FBXO10: variants seen among roughly 807,000 people sequenced by gnomAD.
The protein encoded by FBXO10 is F-box only protein 10.
A neutral mutation model predicts 80.7 loss-of-function variants in FBXO10; 39 were observed. The observed-to-expected ratio is 0.48, with a 90% CI of 0.37 to 0.63. The LOEUF is 0.63. Among genes scored for constraint, FBXO10 ranks in the 30% least tolerant of loss-of-function variants. The probability of loss-of-function intolerance (pLI) is 0.00; values close to 1 mark genes in which losing one functional copy is unlikely to be tolerated. For missense variants in FBXO10, 1,025 were observed against 1,269.0 expected (o/e 0.81, Z 2.92); for synonymous variants, 449 against 489.6 (o/e 0.92, Z 1.09).
chr9:37,559,634 G>A (rs1050872091), intron 1 of FBXO10, among the ~76,000 whole-genome samples: 1 of 152,206 alleles, frequency 6.6e-6, no homozygotes, highest in African/African-American at 2.4e-5. Context: ...CCCTCCTGAG[G>A]TCAAATGGGG....
At chr9:37,544,298 TG>T (rs1452996289) in intron 1 of FBXO10, among the ~76,000 whole-genome samples, 2 of 151,810 alleles carry the variant, frequency 1.3e-5, no homozygotes, top group Non-Finnish European at 2.9e-5. Context: ...CCAGGTGTGG[TG>T]GTGGGCACCT....
chr9:37,563,748 G>A (rs1308744435), intron 1 of FBXO10, among the ~76,000 whole-genome samples: 3 of 152,166 alleles, frequency 2.0e-5, no homozygotes, highest in Non-Finnish European at 4.4e-5. Flanking sequence ...ACTTCTAAAC[G>A]ACAAAGCATT....
chr9:37,515,965 G>T lies in FBXO10; in HGVS notation c.2635C>A (p.Gln879Lys), dbSNP rs1420592165. The T allele has an allele frequency of 1.9e-6, 3 of 1,613,938 alleles. No homozygotes were observed. Among genetic ancestry groups the T allele is most frequent in the Admixed American group, 3.3e-5 (2 of 60,006 alleles). ...QGKTSKTIFQQISNNRECIMQ... is the reference protein window; with the variant it reads ...QGKTSKTIFQKISNNRECIMQ... ...ATGCATTCTCGGTTGTTTGAGATCT[G>T]CTGAAAGATGGTCTTACTGGTTTTG... Residue 879 changes from glutamine (Q) to lysine (K), a missense_variant, in exon 10 of 11, where the codon CAG becomes AAG. By Grantham distance (53) the Gln-to-Lys change is moderately conservative (BLOSUM62 1). Coordinates refer to ENST00000432825, the MANE Select transcript of FBXO10 (RefSeq NM_012166.3).
At chr9:37,556,835 G>A (rs1012818660) in intron 1 of FBXO10, among the ~76,000 whole-genome samples, 9 of 152,116 alleles carry the variant, frequency 5.9e-5, no homozygotes, top group Non-Finnish European at 8.8e-5. Context: ...GTGAGCCACC[G>A]CATCCAGCCT....
intron 8 of FBXO10, among the ~76,000 whole-genome samples, chr9:37,519,113 G>A (rs145136579): frequency 0.039 from 5,866 of 152,138 alleles, 186 homozygotes; most frequent in Admixed American, 0.065. Flanking sequence ...GTTTCACCGT[G>A]TTAGCCAGGA....
rs112684814 is a variant in FBXO10, at chr9:37,556,488, T to G, written c.-6-14714A>C. Reference sequence around the variant, plus strand: ...TTTCTCCATTGAACTGCTTTTGTACTTTTGTCAAAAAATGATAAATCAGTT... The same window carrying G: ...TTTCTCCATTGAACTGCTTTTGTACGTTTGTCAAAAAATGATAAATCAGTT... On this transcript the variant is annotated intron_variant, in intron 1 of 10. Transcript: ENST00000432825. 4.3e-3 allele frequency among the ~76,000 whole-genome samples: 651 copies of G among 151,962 alleles called. 8 individuals are homozygous for G. Among genetic ancestry groups the G allele is most frequent in the African/African-American group, 0.014 (562 of 41,480 alleles).
intron 2 of FBXO10, among the ~76,000 whole-genome samples, chr9:37,538,562 G>T (rs908229102): frequency 3.3e-5 from 5 of 152,100 alleles, no homozygotes; most frequent in Admixed American, 1.3e-4. Flanking sequence ...ACAAAAATTA[G>T]CTGGGCGTGG....
Position 37,515,976 on chromosome 9 carries a change from G to A in FBXO10, c.2624C>T (p.Thr875Ile), listed in dbSNP as rs1466505528. 1.2e-6 allele frequency: 2 copies of A among 1,614,050 alleles called. No individual in the cohort carries two copies. The highest frequency in any genetic ancestry group is 1.6e-4 in the Middle Eastern group (1 of 6,062). Reference protein sequence around the residue: ...NIIFQGKTSKTIFQQISNNRE... With the variant: ...NIIFQGKTSKIIFQQISNNRE... ...GTTGTTTGAGATCTGCTGAAAGATG[G>A]TCTTACTGGTTTTGCCCTGGAAGAT... Residue 875 changes from threonine (T) to isoleucine (I), a missense_variant, in exon 10 of 11, where the codon ACC (threonine) becomes ATC (isoleucine). Transcript: ENST00000432825.
intron 1 of FBXO10, among the ~76,000 whole-genome samples, chr9:37,553,174 T>C (rs1205969503): frequency 1.3e-5 from 2 of 152,066 alleles, no homozygotes; most frequent in Non-Finnish European, 2.9e-5. Context: ...CCCGAGTAGC[T>C]GGGACTACAG....
intron 1 of FBXO10, among the ~76,000 whole-genome samples, chr9:37,546,279 C>A (rs572910694): frequency 1.5e-4 from 23 of 151,620 alleles, no homozygotes; most frequent in Non-Finnish European, 3.4e-4. Context: ...GCAGTCCCAC[C>A]AAGCAGGCAG....
At chr9:37,537,046 C>T in intron 3 of FBXO10, 64 bp downstream of exon 3, 1 of 1,235,890 alleles carries the variant, frequency 8.1e-7, no homozygotes, top group Non-Finnish European at 1.1e-6. Flanking sequence ...CAAAATAGCC[C>T]CATCAAACCC....
intron 1 of FBXO10, among the ~76,000 whole-genome samples, chr9:37,545,321 C>T (rs1255251702): frequency 5.3e-5 from 8 of 151,808 alleles, no homozygotes; most frequent in African/African-American, 1.7e-4. Context: ...GGATTACAGG[C>T]GCACACCGCC....
chr9:37,519,754 T>A (rs1193231010), intron 8 of FBXO10, among the ~76,000 whole-genome samples: 4 of 152,204 alleles, frequency 2.6e-5, no homozygotes, highest in Admixed American at 1.3e-4. Flanking sequence ...GGCTGCTGGT[T>A]ATCCATCTCC....
chr9:37,551,103 A>G (rs891272323), intron 1 of FBXO10, among the ~76,000 whole-genome samples: 10 of 152,234 alleles, frequency 6.6e-5, no homozygotes, highest in Non-Finnish European at 1.3e-4. Context: ...CAAGAAGAAA[A>G]AAGTCACTGG....
intron 1 of FBXO10, among the ~76,000 whole-genome samples, chr9:37,546,823 G>C (rs933443268): frequency 1.3e-5 from 2 of 151,910 alleles, no homozygotes; most frequent in Non-Finnish European, 2.9e-5. Context: ...TGGGACTGCA[G>C]GCGTGCGCCA....
At chr9:37,539,340 C>T (rs1432589618) in intron 2 of FBXO10, among the ~76,000 whole-genome samples, 1 of 152,258 alleles carries the variant, frequency 6.6e-6, no homozygotes, top group Non-Finnish European at 1.5e-5. Flanking sequence ...CTGAAAACTG[C>T]TGTGAAATCG....
At chr9:37,561,996 C>T (rs1052218583) in intron 1 of FBXO10, among the ~76,000 whole-genome samples, 2 of 152,156 alleles carry the variant, frequency 1.3e-5, no homozygotes, top group African/African-American at 4.8e-5. Context: ...ATCTCAACGG[C>T]ATGACATGGA....
intron 1 of FBXO10, among the ~76,000 whole-genome samples, chr9:37,542,734 T>C (rs1364914750): frequency 6.6e-6 from 1 of 152,206 alleles, no homozygotes; most frequent in East Asian, 1.9e-4. Context: ...TGTGTGTGTG[T>C]ATCCTGATAG....
chr9:37,539,461 T>A (rs1274112965), intron 2 of FBXO10, among the ~76,000 whole-genome samples: 1 of 152,234 alleles, frequency 6.6e-6, no homozygotes, highest in African/African-American at 2.4e-5. Flanking sequence ...TGCTAAGCAC[T>A]AAGCCACAGG....
Sources: allele counts gnomAD v4.1 joint callset (sites outside exome capture counted in the v4.1 genomes callset), GRCh38; gene constraint gnomAD v4.1.1; transcripts MANE v1.5; gene names NCBI Gene and HGNC (gene_info 2026-07-23, HGNC 2026-07-21).